Variants in STK32B observed in about 807,000 individuals in gnomAD.
STK32B encodes serine/threonine kinase 32B.
A neutral mutation model predicts 52.6 loss-of-function variants in STK32B; 43 were observed. The ratio of observed to expected loss-of-function variants is 0.82; its 90% CI spans 0.64 to 1.05. The LOEUF (loss-of-function observed/expected upper bound fraction) is 1.05, where lower values mean the gene tolerates loss of function less well. STK32B is among the 50% of genes least tolerant of loss of function. The pLI is 0.00. For missense variants in STK32B, 621 were observed against 534.6 expected, an observed-to-expected ratio of 1.16 and a Z score of -1.59; for synonymous variants, 238 against 204.3, an observed-to-expected ratio of 1.17 and a Z score of -1.41.
chr4:5,169,368 A>T (rs1428861870), intron 3 of STK32B, among the ~76,000 whole-genome samples: 1 of 152,098 alleles, frequency 6.6e-6, no homozygotes, highest in Admixed American at 6.5e-5. Flanking sequence ...TTAGGAAACA[A>T]ATTCTGACCA....
At chr4:5,231,652 A>G (rs566520273) in intron 3 of STK32B, among the ~76,000 whole-genome samples, 1 of 152,152 alleles carries the variant, frequency 6.6e-6, no homozygotes, top group Admixed American at 6.5e-5. Flanking sequence ...AAAACAAAGA[A>G]AAGAAAAAGA....
At chr4:5,364,339 G>A (rs1023048448) in intron 4 of STK32B, among the ~76,000 whole-genome samples, 6 of 152,206 alleles carry the variant, frequency 3.9e-5, no homozygotes, top group African/African-American at 1.4e-4. Context: ...TTGGGCCTCA[G>A]TGAAAGAGAG....
At chr4:5,276,650 T>G (rs1178392876) in intron 3 of STK32B, among the ~76,000 whole-genome samples, 1 of 152,140 alleles carries the variant, frequency 6.6e-6, no homozygotes, top group Non-Finnish European at 1.5e-5. Flanking sequence ...CTATTTTTCA[T>G]AAGGCGTCAC....
chr4:5,422,117 A>G (rs923515615), intron 6 of STK32B, among the ~76,000 whole-genome samples: 1 of 152,222 alleles, frequency 6.6e-6, no homozygotes, highest in Admixed American at 6.5e-5. Flanking sequence ...GCCTGACTTA[A>G]TGGCCAAATG....
In STK32B at chr4:5,394,613, T is replaced by C. The variant is rs1736768600; in HGVS notation, c.435-3594T>C. Among the ~76,000 whole-genome samples, 1 of 152,256 alleles carries C rather than the reference T, an allele frequency of 6.6e-6. No individual in the cohort carries two copies. The highest frequency in any genetic ancestry group is 1.5e-5 in the Non-Finnish European group (1 of 68,040). On this transcript the variant is annotated intron_variant, in intron 4 of 11. Transcript: ENST00000282908. This position sits in a 1 kb window ranked among gnomAD's most constrained non-coding sequence, Gnocchi z 4.2. ...GCTCAAGAATCTGCCAGTCTGCCTC[T>C]GAGTTCTCCCTAGCTCCTTTTGAAA...
At chr4:5,102,618 G>A (rs1042346599) in intron 1 of STK32B, among the ~76,000 whole-genome samples, 4 of 150,716 alleles carry the variant, frequency 2.7e-5, no homozygotes, top group South Asian at 2.1e-4. Flanking sequence ...TGCAACCTCC[G>A]CCTCCCGAGT....
chr4:5,382,965 A>G (rs919732155), intron 4 of STK32B, among the ~76,000 whole-genome samples: 2 of 152,208 alleles, frequency 1.3e-5, no homozygotes, highest in Non-Finnish European at 2.9e-5. Context: ...TTTTGGCAGC[A>G]TGTCCCCTTG....
At chr4:5,169,625 C>G (rs1308802585) in intron 3 of STK32B, among the ~76,000 whole-genome samples, 1 of 152,078 alleles carries the variant, frequency 6.6e-6, no homozygotes, top group Non-Finnish European at 1.5e-5. Context: ...CCAAACCAAA[C>G]CTTGTCTGCT....
At chr4:5,134,225 C>T (rs1028181062) in intron 1 of STK32B, among the ~76,000 whole-genome samples, 1 of 152,128 alleles carries the variant, frequency 6.6e-6, no homozygotes, top group Non-Finnish European at 1.5e-5. Context: ...ACGTGTTCCC[C>T]AAAGTTTATG....
At chr4:5,260,828 G>T (rs1322227178) in intron 3 of STK32B, among the ~76,000 whole-genome samples, 1 of 152,164 alleles carries the variant, frequency 6.6e-6, no homozygotes, top group African/African-American at 2.4e-5. Context: ...AACATCTGGG[G>T]AAGGCAACAG....
chr4:5,484,167 T>G (rs1718956284), intron 11 of STK32B, among the ~76,000 whole-genome samples: 1 of 152,228 alleles, frequency 6.6e-6, no homozygotes, highest in African/African-American at 2.4e-5. Flanking sequence ...CTCATTGATC[T>G]GTCTAATGTT....
intron 6 of STK32B, among the ~76,000 whole-genome samples, chr4:5,444,730 G>A (rs1171423144): frequency 6.6e-6 from 1 of 152,188 alleles, no homozygotes; most frequent in Admixed American, 6.5e-5. Context: ...TCTTAGTATA[G>A]ATTATCTTAT....
rs78231136 is a variant in STK32B at position 5,326,555 on chromosome 4, G to A, written c.261-4665G>A. Among the ~76,000 whole-genome samples the A allele has an allele frequency of 2.3e-3, 355 of 152,002 alleles. 2 individuals are homozygous for A. Among genetic ancestry groups the A allele is most frequent in the Non-Finnish European group, 3.2e-3 (216 of 67,954 alleles). On this transcript the variant is annotated intron_variant, in intron 3 of 11. Coordinates refer to ENST00000282908, the MANE Select transcript of STK32B (RefSeq NM_018401.3). The stretch of plus-strand genomic sequence containing the variant: ...AGACAGGTCTTATTGACATTTTTTC[G>A]TTTTCTAGTGCCTTTAAAAGTTATG...
intron 7 of STK32B, among the ~76,000 whole-genome samples, chr4:5,448,960 T>TC (rs1242791054): frequency 6.6e-6 from 1 of 152,126 alleles, no homozygotes; most frequent in African/African-American, 2.4e-5. Flanking sequence ...TTAGGAGTTA[T>TC]CCCCCCTCTT....
chr4:5,434,454 G>GTA (rs5855854), intron 6 of STK32B, among the ~76,000 whole-genome samples: 14,179 of 131,064 alleles, frequency 0.11, 1,106 homozygotes, highest in African/African-American at 0.24. Flanking sequence ...GTGTGTGTGT[G>GTA]TATATATATA....
chr4:5,271,800 CTGTT>C (rs538051795), intron 3 of STK32B, among the ~76,000 whole-genome samples: 10 of 138,646 alleles, frequency 7.2e-5, no homozygotes, highest in South Asian at 6.6e-4. Context: ...ATTTGGCTCT[CTGTT>C]TGTCTGTAGT....
At chr4:5,476,321 C>T (rs538667863) in intron 11 of STK32B, among the ~76,000 whole-genome samples, 1 of 152,292 alleles carries the variant, frequency 6.6e-6, no homozygotes, top group Non-Finnish European at 1.5e-5. Flanking sequence ...TTCTCAAGCC[C>T]ATTTTCTGTT....
chr4:5,389,225 C>T (rs149802480), intron 4 of STK32B, among the ~76,000 whole-genome samples: 3 of 152,302 alleles, frequency 2.0e-5, no homozygotes, highest in East Asian at 3.9e-4. Context: ...ATACGGACTC[C>T]ATGATGACTC....
At chr4:5,040,824 A>T in the STK32B span, among the ~76,000 whole-genome samples, 3 of 152,194 alleles carry the variant, frequency 2.0e-5, no homozygotes, top group African/African-American at 7.2e-5. Flanking sequence ...GGTACAGTTG[A>T]CTACATGCCC....
Sources: allele counts gnomAD v4.1 joint callset (sites outside exome capture counted in the v4.1 genomes callset), GRCh38; gene constraint gnomAD v4.1.1; non-coding constraint Gnocchi (gnomAD v3.1); transcripts MANE v1.5; gene names NCBI Gene and HGNC (gene_info 2026-07-23, HGNC 2026-07-21).